SPANXN2: variants seen among roughly 807,000 people sequenced by gnomAD.
SPANXN2 encodes the protein sperm protein associated with the nucleus on the X chromosome N2.
SPANXN2 carries 1 observed loss-of-function variant against 2.0 expected under a neutral mutation model. The observed-to-expected ratio is 0.50, with a 90% CI of 0.18 to 2.36. The LOEUF is 2.36. SPANXN2 is among the 30% of genes most tolerant of loss of function. SPANXN2 has a pLI of 0.26. For missense variants in SPANXN2, 88 were observed against 116.7 expected, an observed-to-expected ratio of 0.75 and a Z score of 1.13; for synonymous variants, 43 against 49.8, an observed-to-expected ratio of 0.86 and a Z score of 0.58.
intron 1 of SPANXN2, among the ~76,000 whole-genome samples, chrX:143,716,105 C>T (rs1932258220): frequency 9.0e-6 from 1 of 110,757 alleles, no homozygotes; most frequent in Admixed American, 9.6e-5. Flanking sequence ...CTGAACTTCC[C>T]CTTGCTCCTA....
At chrX:143,715,901 T>G (rs1932253604) in intron 1 of SPANXN2, among the ~76,000 whole-genome samples, 1 of 111,687 alleles carries the variant, frequency 9.0e-6, no homozygotes, top group African/African-American at 3.3e-5. Context: ...TGTATTGAAC[T>G]AAAAGACAAC....
exon 2 of SPANXN2, chrX:143,712,487 G>C: frequency 8.3e-7 from 1 of 1,209,044 alleles, no homozygotes; most frequent in Non-Finnish European, 1.1e-6. Flanking sequence ...ACCCTGTTCG[G>C]TGCCTCCTGC....
intron 1 of SPANXN2, among the ~76,000 whole-genome samples, chrX:143,714,927 C>T (rs1932232034): frequency 8.9e-6 from 1 of 111,792 alleles, no homozygotes; most frequent in East Asian, 2.8e-4. Flanking sequence ...CAGAATTCCT[C>T]AACTTGGCAA....
At chrX:143,715,563 T>C (rs782743349) in intron 1 of SPANXN2, among the ~76,000 whole-genome samples, 2 of 108,418 alleles carry the variant, frequency 1.8e-5, no homozygotes, top group South Asian at 8.3e-4. Flanking sequence ...GGAATGTTTC[T>C]AAACCCACAA....
exon 1 of SPANXN2, chrX:143,720,680 G>A (rs1556450802): frequency 8.3e-7 from 1 of 1,207,131 alleles, no homozygotes; most frequent in South Asian, 1.8e-5. Context: ...ATTCTGCTTG[G>A]TTGTAGAATG....
intron 1 of SPANXN2, among the ~76,000 whole-genome samples, chrX:143,713,117 C>T (rs781902372): frequency 4.5e-5 from 5 of 111,277 alleles, no homozygotes; most frequent in African/African-American, 1.3e-4. Context: ...TCCTTGCCTT[C>T]CCTTCAAAAC....
intron 1 of SPANXN2, among the ~76,000 whole-genome samples, chrX:143,713,396 AC>A (rs1347792395): frequency 1.8e-5 from 2 of 111,685 alleles, no homozygotes; most frequent in African/African-American, 6.5e-5. Context: ...CCATTTCTGG[AC>A]ATCACATCCA....
chrX:143,718,663 T>C (rs1377457332), intron 1 of SPANXN2, among the ~76,000 whole-genome samples: 1 of 111,842 alleles, frequency 8.9e-6, no homozygotes, highest in Non-Finnish European at 1.9e-5. Flanking sequence ...CCAGAACACC[T>C]TAGTCCATAA....
chrX:143,718,124 C>T (rs1233038041), intron 1 of SPANXN2, among the ~76,000 whole-genome samples: 2 of 111,432 alleles, frequency 1.8e-5, no homozygotes, highest in African/African-American at 6.5e-5. Context: ...CAACAACTAA[C>T]CAAACTCTCC....
intron 1 of SPANXN2, among the ~76,000 whole-genome samples, chrX:143,719,489 G>T (rs1244166980): frequency 1.8e-5 from 2 of 111,781 alleles, no homozygotes; most frequent in Admixed American, 1.9e-4. Flanking sequence ...TATTCAACTT[G>T]GAAAAACATA....
At chrX:143,719,131 T>C (rs1355388419) in intron 1 of SPANXN2, among the ~76,000 whole-genome samples, 1 of 109,906 alleles carries the variant, frequency 9.1e-6, no homozygotes, top group East Asian at 2.9e-4. Flanking sequence ...CCCCCACCAA[T>C]CCATCAAATC....
chrX:143,714,320 G>A (rs1438932788), intron 1 of SPANXN2, among the ~76,000 whole-genome samples: 1 of 111,511 alleles, frequency 9.0e-6, no homozygotes, highest in Non-Finnish European at 1.9e-5. Flanking sequence ...CTTTTCAATG[G>A]ATCCAACCTC....
At chrX:143,716,715 A>G (rs1210641329) in intron 1 of SPANXN2, among the ~76,000 whole-genome samples, 6 of 111,924 alleles carry the variant, frequency 5.4e-5, no homozygotes, top group South Asian at 3.8e-4. Context: ...AATCTTGGGT[A>G]TGGCCACATT....
intron 1 of SPANXN2, among the ~76,000 whole-genome samples, chrX:143,718,998 T>C: frequency 9.0e-6 from 1 of 111,562 alleles, no homozygotes; most frequent in East Asian, 2.8e-4. Flanking sequence ...AATCCAGTAG[T>C]TCACAGCCCT....
At chrX:143,717,072 C>G (rs1556449929) in intron 1 of SPANXN2, among the ~76,000 whole-genome samples, 1 of 112,191 alleles carries the variant, frequency 8.9e-6, no homozygotes, top group Non-Finnish European at 1.9e-5. Flanking sequence ...GCAGCCATGT[C>G]CAGCAGCTGG....
At chrX:143,714,960 A>G (rs4824926) in intron 1 of SPANXN2, among the ~76,000 whole-genome samples, 43,408 of 110,393 alleles carry the variant, frequency 0.39, 6,395 homozygotes, top group East Asian at 0.61. Context: ...GGAGCCTGTT[A>G]CAAGTTCGTC....
At chrX:143,718,934 A>T (rs1932314458) in intron 1 of SPANXN2, among the ~76,000 whole-genome samples, 1 of 110,834 alleles carries the variant, frequency 9.0e-6, no homozygotes, top group South Asian at 3.8e-4. Context: ...ACTGCCTCTT[A>T]AATCAGTCAC....
intron 1 of SPANXN2, among the ~76,000 whole-genome samples, chrX:143,713,985 C>T (rs1190190286): frequency 9.4e-6 from 1 of 106,606 alleles, no homozygotes; most frequent in Admixed American, 1.0e-4. Context: ...CCCCAAAATG[C>T]CTCTTCCTCC....
intron 1 of SPANXN2, 82 bp from the exon 2 acceptor site, chrX:143,712,581 G>A (rs781857151): frequency 3.1e-5 from 28 of 896,903 alleles, no homozygotes; most frequent in East Asian, 9.3e-5. Flanking sequence ...GGGGCTTTAT[G>A]AGAAGGAATG....
Sources: gnomAD v4.1 joint callset for allele counts (sites outside exome capture counted in the v4.1 genomes callset) on GRCh38, gnomAD v4.1.1 for gene constraint, MANE v1.5 for transcripts, NCBI Gene and HGNC (gene_info 2026-07-23, HGNC 2026-07-21) for gene names.